The following PDE7A variants were observed in gnomAD, a reference collection of about 807,000 sequenced individuals.
PDE7A encodes the protein high affinity 3',5'-cyclic-AMP phosphodiesterase 7A.
In PDE7A, 39 loss-of-function variants were observed where a neutral mutation model predicts 64.3. The ratio of observed to expected loss-of-function variants is 0.61; its 90% CI spans 0.47 to 0.79. The LOEUF (loss-of-function observed/expected upper bound fraction) is 0.79. Ranked by LOEUF, PDE7A falls within the 30% of genes least tolerant of loss-of-function variation. The probability of loss-of-function intolerance (pLI) is 0.00; values close to 1 mark genes in which losing one functional copy is unlikely to be tolerated. For missense variants in PDE7A, 470 were observed against 582.8 expected, an observed-to-expected ratio of 0.81 and a Z score of 1.99; for synonymous variants, 203 against 206.8, an observed-to-expected ratio of 0.98 and a Z score of 0.16.
intron 1 of PDE7A, among the ~76,000 whole-genome samples, chr8:65,815,502 C>CA (rs1810378836): frequency 1.3e-5 from 2 of 152,148 alleles, no homozygotes; most frequent in South Asian, 4.2e-4. Context: ...AGTCATGACA[C>CA]AAAAAATATC....
At chr8:65,756,585 T>C (rs1392861342) in intron 3 of PDE7A, among the ~76,000 whole-genome samples, 1 of 152,194 alleles carries the variant, frequency 6.6e-6, no homozygotes, top group Non-Finnish European at 1.5e-5. Flanking sequence ...TTCTGTTTGG[T>C]TCCTTTTTAC....
chr8:65,739,551 T>C lies in PDE7A; in HGVS notation c.546A>G (p.Gly182=), dbSNP rs747685275. 27 of 1,567,568 alleles carry C rather than the reference T, an allele frequency of 1.7e-5. No homozygotes were observed. The African/African-American group carries it at 2.1e-4, about 12-fold the overall frequency. ...SLTFHLFSLH[G]LIEYFHLDMM... Reference sequence around the variant, plus strand: ...TATCTAAATGGAAGTACTCAATTAATCCATGAAGACTAAATAAATGAAAGG... The same window carrying C: ...TATCTAAATGGAAGTACTCAATTAACCCATGAAGACTAAATAAATGAAAGG... Residue 182 remains glycine (G), a synonymous_variant, in exon 6 of 13, where the codon GGA becomes GGG. Coordinates refer to ENST00000401827, the MANE Select transcript of PDE7A (RefSeq NM_001242318.3).
chr8:65,748,631 C>CT (rs761466993), intron 3 of PDE7A, among the ~76,000 whole-genome samples: 14 of 152,296 alleles, frequency 9.2e-5, no homozygotes, highest in Middle Eastern at 3.4e-3. Flanking sequence ...AAAATCAAGA[C>CT]TGAGGATCAA....
intron 12 of PDE7A, among the ~76,000 whole-genome samples, chr8:65,720,021 G>A (rs1806308387): frequency 6.6e-6 from 1 of 152,150 alleles, no homozygotes; most frequent in South Asian, 2.1e-4. Flanking sequence ...ATTTATAAAG[G>A]CAAAACTTAT....
intron 1 of PDE7A, among the ~76,000 whole-genome samples, chr8:65,800,922 T>A (rs1809970796): frequency 1.3e-5 from 2 of 152,174 alleles, no homozygotes; most frequent in Non-Finnish European, 2.9e-5. Flanking sequence ...GAAAGCAAGC[T>A]ATTGCAGCTA....
At chr8:65,746,193 G>T (rs997426392) in intron 4 of PDE7A, among the ~76,000 whole-genome samples, 1 of 150,682 alleles carries the variant, frequency 6.6e-6, no homozygotes, top group African/African-American at 2.4e-5. Flanking sequence ...CTTGGCCTCC[G>T]AACGTGCTAG....
rs564951772 is a variant in PDE7A at position 65,794,150 on chromosome 8, C to T, written c.139-11307G>A. ...AGTAATCTGAAAATGCTATCACTCACAACTCTGTGAAATGAAAAATGGAAA... is the reference window on the plus strand; with the variant it reads ...AGTAATCTGAAAATGCTATCACTCATAACTCTGTGAAATGAAAAATGGAAA... On this transcript the variant is annotated intron_variant, in intron 1 of 12. Transcript: ENST00000401827. Among the ~76,000 whole-genome samples, 18 of 152,292 alleles carry T rather than the reference C, an allele frequency of 1.2e-4. No homozygotes were observed. The South Asian group carries it at 2.1e-3, about 18-fold the overall frequency.
chr8:65,767,594 G>A (rs1390467975), intron 3 of PDE7A, among the ~76,000 whole-genome samples: 1 of 152,152 alleles, frequency 6.6e-6, no homozygotes, highest in Non-Finnish European at 1.5e-5. Context: ...TCCCCAGAGA[G>A]GGTCTTGCCC....
intron 9 of PDE7A, 93 bp from the exon 10 acceptor site, chr8:65,725,014 T>C (rs564641409): frequency 2.2e-4 from 154 of 687,890 alleles, no homozygotes; most frequent in Middle Eastern, 5.5e-4. Flanking sequence ...GAAGGCTTTA[T>C]AGAACCCTAA....
chr8:65,799,484 G>C (rs1249746039), intron 1 of PDE7A, among the ~76,000 whole-genome samples: 1 of 152,170 alleles, frequency 6.6e-6, no homozygotes, highest in South Asian at 2.1e-4. Flanking sequence ...GAGTGGAATG[G>C]ATTAACACAG....
At chr8:65,750,659 C>G (rs759513617) in intron 3 of PDE7A, among the ~76,000 whole-genome samples, 10 of 152,154 alleles carry the variant, frequency 6.6e-5, no homozygotes, top group Non-Finnish European at 1.0e-4. Flanking sequence ...AGGATACATA[C>G]TGTCAATGGT....
At chr8:65,834,358 C>T (rs1406909118) in intron 1 of PDE7A, among the ~76,000 whole-genome samples, 10 of 152,076 alleles carry the variant, frequency 6.6e-5, no homozygotes, top group African/African-American at 2.2e-4. Flanking sequence ...AAAATTTGTG[C>T]TAATCAACTG....
chr8:65,758,760 C>T lies in PDE7A; in HGVS notation c.284-10957G>A, dbSNP rs375894899. Reference sequence around the variant, plus strand: ...CAACTGTTGGCCACCGAAATCCATGCAGTACCTTCTGTTCTAGTTCTTTAA... The same window carrying T: ...CAACTGTTGGCCACCGAAATCCATGTAGTACCTTCTGTTCTAGTTCTTTAA... On this transcript the variant is annotated intron_variant, in intron 3 of 12. Transcript: ENST00000401827. 1.2e-4 allele frequency among the ~76,000 whole-genome samples: 19 copies of T among 152,318 alleles called. No individual in the cohort carries two copies. In the South Asian group the frequency reaches 3.9e-3, roughly 32 times the overall value.
rs1351586159 is a variant in PDE7A at position 65,724,351 on chromosome 8, T to C, written c.1066A>G (p.Met356Val). The change falls in exon 11 of 13, where the codon ATG (methionine) becomes GTG (valine). Residue 356 changes from methionine to valine, a missense_variant and splice_region_variant. By Grantham distance (21) the Met-to-Val change is conservative (BLOSUM62 1). Transcript: ENST00000401827. Reference sequence around the variant, plus strand: ...CAAATATCAGCACATTTCAAAGCCATCTAGCAAACAAAACATTAATATTGT... The same window carrying C: ...CAAATATCAGCACATTTCAAAGCCACCTAGCAAACAAAACATTAATATTGT... ...DTRHRHLVLQMALKCADICNP... is the reference protein window; with the variant it reads ...DTRHRHLVLQVALKCADICNP... 1 of 1,606,786 alleles carries C rather than the reference T, an allele frequency of 6.2e-7. No individual in the cohort carries two copies. The highest frequency in any genetic ancestry group is 8.5e-7 in the Non-Finnish European group (1 of 1,174,060).
intron 1 of PDE7A, among the ~76,000 whole-genome samples, chr8:65,814,564 C>G: frequency 6.9e-6 from 1 of 145,140 alleles, no homozygotes; most frequent in East Asian, 2.0e-4. Context: ...ATATATAATA[C>G]GTACACATAT....
chr8:65,736,070 C>T (rs190861825), intron 6 of PDE7A, among the ~76,000 whole-genome samples: 6 of 152,206 alleles, frequency 3.9e-5, no homozygotes, highest in African/African-American at 1.4e-4. Context: ...AACACACCTA[C>T]GATAATGCGC....
At chr8:65,768,036 C>T (rs72666548) in intron 3 of PDE7A, among the ~76,000 whole-genome samples, 4,049 of 152,144 alleles carry the variant, frequency 0.027, 85 homozygotes, top group Middle Eastern at 0.078. Context: ...TCCAGGTAGA[C>T]AGTGTTGGAA....
chr8:65,743,078 T>G (rs1807513491), intron 5 of PDE7A, among the ~76,000 whole-genome samples: 1 of 152,234 alleles, frequency 6.6e-6, no homozygotes, highest in African/African-American at 2.4e-5. Flanking sequence ...AATCAACTAT[T>G]TCAATGAGTG....
At chr8:65,808,579 T>C (rs1029195267) in intron 1 of PDE7A, among the ~76,000 whole-genome samples, 2 of 152,200 alleles carry the variant, frequency 1.3e-5, no homozygotes, top group Admixed American at 6.5e-5. Flanking sequence ...GTGTTCACAA[T>C]GTTATTATCT....
Sources: gnomAD v4.1 joint callset for allele counts (sites outside exome capture counted in the v4.1 genomes callset) on GRCh38, gnomAD v4.1.1 for gene constraint, MANE v1.5 for transcripts, NCBI Gene and HGNC (gene_info 2026-07-23, HGNC 2026-07-21) for gene names.